IQGAP2: variants seen among roughly 807,000 people sequenced by gnomAD.
The protein encoded by IQGAP2 is ras GTPase-activating-like protein IQGAP2.
IQGAP2 carries 173 observed loss-of-function variants against 201.3 expected under a neutral mutation model. That is an observed-to-expected ratio of 0.86 (90% CI 0.76 to 0.98). The LOEUF is 0.98. Among genes scored for constraint, IQGAP2 ranks in the 50% least tolerant of loss-of-function variants. The pLI, the probability that IQGAP2 is intolerant of heterozygous loss-of-function variation, is 0.00. For missense variants in IQGAP2, 1,687 were observed against 1,864.8 expected (o/e 0.90, Z 1.76); for synonymous variants, 675 against 673.9 (o/e 1.00, Z -0.03).
chr5:76,417,822 TC>T (rs888024314), intron 1 of IQGAP2, among the ~76,000 whole-genome samples: 1 of 152,098 alleles, frequency 6.6e-6, no homozygotes, highest in African/African-American at 2.4e-5. Context: ...GCTCAAGTGA[TC>T]CGCCTCCCTC....
At chr5:76,525,841 A>C (rs1162301516) in intron 2 of IQGAP2, among the ~76,000 whole-genome samples, 3 of 152,232 alleles carry the variant, frequency 2.0e-5, no homozygotes, top group African/African-American at 7.2e-5. Flanking sequence ...TAGTTTTGAA[A>C]TGGTGATGGG....
At chr5:76,609,168 A>C in intron 12 of IQGAP2, 2 of 1,535,928 alleles carry the variant, frequency 1.3e-6, no homozygotes, top group Middle Eastern at 3.3e-4. Context: ...GCTGAAATGC[A>C]CTCACTTCCA....
In IQGAP2 at chr5:76,683,228, G is replaced by T. The variant is rs1490652917; in HGVS notation, c.3763+11G>T. On this transcript the variant is annotated intron_variant, in intron 29 of 35. Coordinates refer to ENST00000274364, the MANE Select transcript of IQGAP2 (RefSeq NM_006633.5). ...TGGAATCTTTTCTTGGTAAGAGCTT[G>T]TTCCTTCTACTTATCCCTTGGTTTT... 1.9e-6 allele frequency: 3 copies of T among 1,593,082 alleles called. No individual in the cohort carries two copies. The highest frequency in any genetic ancestry group is 2.2e-5 in the South Asian group (2 of 89,294).
chr5:76,565,551 G>A (rs1277756004), intron 3 of IQGAP2, among the ~76,000 whole-genome samples: 3 of 152,116 alleles, frequency 2.0e-5, no homozygotes, highest in Non-Finnish European at 4.4e-5. Context: ...ACATGCCCAC[G>A]CCATGTGCAC....
intron 32 of IQGAP2, among the ~76,000 whole-genome samples, chr5:76,697,330 T>G (rs529705404): frequency 2.1e-4 from 32 of 152,336 alleles, no homozygotes; most frequent in African/African-American, 7.5e-4. Flanking sequence ...TAAAGTACTA[T>G]TCAAAGAGGA....
intron 2 of IQGAP2, among the ~76,000 whole-genome samples, chr5:76,462,110 G>A (rs375177491): frequency 6.6e-6 from 1 of 152,152 alleles, no homozygotes; most frequent in African/African-American, 2.4e-5. Flanking sequence ...TCCCTGCCTC[G>A]GAGCCTCCCA....
chr5:76,612,042 A>G (rs1429623727), intron 13 of IQGAP2, among the ~76,000 whole-genome samples: 2 of 152,246 alleles, frequency 1.3e-5, no homozygotes, highest in Non-Finnish European at 2.9e-5. Context: ...TTGAGAACCT[A>G]CTATTTGTCA....
At chr5:76,561,740 A>G (rs373441490) in intron 2 of IQGAP2, among the ~76,000 whole-genome samples, 3 of 152,178 alleles carry the variant, frequency 2.0e-5, no homozygotes, top group Non-Finnish European at 4.4e-5. Context: ...TACTGGCACA[A>G]CATCTTAAGG....
chr5:76,436,476 CATATATATATATATATATATAT>C (rs1283261181), intron 1 of IQGAP2, among the ~76,000 whole-genome samples: 12 of 21,474 alleles, frequency 5.6e-4, no homozygotes, highest in South Asian at 2.7e-3. Context: ...TTGAGATGAT[CATATATATATATATATATATAT>C]ATATATATAT....
chr5:76,639,731 A>T (rs2432184), intron 16 of IQGAP2, among the ~76,000 whole-genome samples: 94,017 of 152,038 alleles, frequency 0.62, 29,236 homozygotes, highest in South Asian at 0.78. Context: ...TAGAGGAAAA[A>T]AACATGATCT....
intron 2 of IQGAP2, among the ~76,000 whole-genome samples, chr5:76,493,029 CAA>C (rs377352855): frequency 6.6e-6 from 1 of 152,126 alleles, no homozygotes; most frequent in African/African-American, 2.4e-5. Context: ...GTGAAACAAA[CAA>C]TGCTGCCTGT....
intron 2 of IQGAP2, among the ~76,000 whole-genome samples, chr5:76,509,671 G>C (rs1757838890): frequency 6.6e-6 from 1 of 152,192 alleles, no homozygotes; most frequent in African/African-American, 2.4e-5. Context: ...TGGGATTACA[G>C]GTGTGAGCCA....
rs115067271 is a variant in IQGAP2, at chr5:76,559,277, T to C, written c.147-3119T>C. ...TCCTGGAACTGTCTTTCGGTTGTCT[T>C]CCTTCCCGTTTCTTCCTGGCTGATC... On this transcript the variant is annotated intron_variant, in intron 2 of 35. Coordinates refer to ENST00000274364, the MANE Select transcript of IQGAP2 (RefSeq NM_006633.5). Among the ~76,000 whole-genome samples, 1,103 of 152,344 alleles carry C rather than the reference T, an allele frequency of 7.2e-3. 16 individuals are homozygous for C. Among genetic ancestry groups the C allele is most frequent in the African/African-American group, 0.024 (1,014 of 41,584 alleles).
At chr5:76,610,266 G>A (rs1384958849) in intron 12 of IQGAP2, among the ~76,000 whole-genome samples, 2 of 148,150 alleles carry the variant, frequency 1.3e-5, no homozygotes, top group Admixed American at 1.4e-4. Flanking sequence ...CCAAGTAGCT[G>A]GGACTTGAAT....
chr5:76,458,625 A>G (rs34650005), intron 1 of IQGAP2, among the ~76,000 whole-genome samples: 8,848 of 152,260 alleles, frequency 0.058, 337 homozygotes, highest in Non-Finnish European at 0.073. Context: ...GTCAGAAGGC[A>G]AGGAATGGGT....
intron 1 of IQGAP2, among the ~76,000 whole-genome samples, chr5:76,441,720 T>C (rs920232013): frequency 6.6e-6 from 1 of 152,202 alleles, no homozygotes; most frequent in African/African-American, 2.4e-5. Context: ...AGATGAAGAA[T>C]CACTCTTGCA....
chr5:76,529,640 AT>A (rs1309026815), intron 2 of IQGAP2, among the ~76,000 whole-genome samples: 1 of 47,942 alleles, frequency 2.1e-5, no homozygotes, highest in Admixed American at 1.7e-4. Flanking sequence ...AATAATAATA[AT>A]AATAATAATA....
intron 13 of IQGAP2, chr5:76,617,820 C>T (rs760244370): frequency 1.9e-6 from 3 of 1,613,894 alleles, no homozygotes; most frequent in Admixed American, 3.3e-5. Context: ...ATACCACAAC[C>T]ATCTATGATC....
intron 11 of IQGAP2, among the ~76,000 whole-genome samples, chr5:76,603,614 C>T (rs1747585065): frequency 6.6e-6 from 1 of 152,150 alleles, no homozygotes; most frequent in Non-Finnish European, 1.5e-5. Flanking sequence ...CTGTGCTCTG[C>T]TTTTATACCT....
Sources: gnomAD v4.1 joint callset for allele counts (sites outside exome capture counted in the v4.1 genomes callset) on GRCh38, gnomAD v4.1.1 for gene constraint, MANE v1.5 for transcripts, NCBI Gene and HGNC (gene_info 2026-07-23, HGNC 2026-07-21) for gene names.